DLG2: variants seen among roughly 807,000 people sequenced by gnomAD.
DLG2 encodes the protein discs large MAGUK scaffold protein 2, also known as disks large homolog 2.
A neutral mutation model predicts 132.5 loss-of-function variants in DLG2; 45 were observed. That is an observed-to-expected ratio of 0.34 (90% CI 0.27 to 0.44). The LOEUF (loss-of-function observed/expected upper bound fraction) is 0.44, where lower values mean the gene tolerates loss of function less well. DLG2 is among the 20% of genes least tolerant of loss of function. The pLI is 1.00. For synonymous variants in DLG2, 424 were observed against 419.6 expected (o/e 1.01, Z -0.13); for missense variants, 1,045 against 1,196.9 (o/e 0.87, Z 1.87).
At chr11:84,835,230 T>A (rs563763356) in intron 6 of DLG2, among the ~76,000 whole-genome samples, 11 of 151,768 alleles carry the variant, frequency 7.2e-5, no homozygotes, top group African/African-American at 2.7e-4. Flanking sequence ...TTTTGAAAAT[T>A]TTTTTAATCT....
At chr11:84,954,510 G>T (rs2051384034) in intron 6 of DLG2, among the ~76,000 whole-genome samples, 1 of 152,146 alleles carries the variant, frequency 6.6e-6, no homozygotes. Flanking sequence ...AGAAGACTAT[G>T]TTAGCAGCCT....
chr11:84,661,311 T>C (rs919166783), intron 6 of DLG2, among the ~76,000 whole-genome samples: 2 of 152,172 alleles, frequency 1.3e-5, no homozygotes, highest in African/African-American at 4.8e-5. Context: ...ATTTGCCTTG[T>C]AGAATGGATT....
In DLG2 at chr11:84,373,257, A is replaced by AACAAAACAAAAC. The variant is rs1555532660; in HGVS notation, c.520-121967_520-121966insGTTTTGTTTTGT. Among the ~76,000 whole-genome samples, 139 of 95,138 alleles carry AACAAAACAAAAC rather than the reference A, an allele frequency of 1.5e-3. 7 individuals are homozygous for AACAAAACAAAAC. Among genetic ancestry groups the AACAAAACAAAAC allele is most frequent in the African/African-American group, 4.6e-3 (134 of 29,104 alleles). 62.4% of individuals were successfully genotyped at this position (95,138 alleles called of 152,430 possible). A position where few individuals can be genotyped will look rare whatever the true frequency, so the allele number is the denominator to read the frequency against. On this transcript the variant is annotated intron_variant, in intron 7 of 27. Transcript: ENST00000376104. Reference sequence around the variant, plus strand: ...TCCAATTAAGAAACAGTCAAAAAAAAAAAAAAACAAAACAAAAAAAAAACC... The same window carrying AACAAAACAAAAC: ...TCCAATTAAGAAACAGTCAAAAAAAAACAAAACAAAACAAAAAAACAAAACAAAAAAAAAACC...
intron 7 of DLG2, among the ~76,000 whole-genome samples, chr11:84,285,842 A>C (rs1320836548): frequency 6.6e-6 from 1 of 152,216 alleles, no homozygotes; most frequent in Non-Finnish European, 1.5e-5. Context: ...TTTGCTTACA[A>C]TGTATCATCT....
intron 8 of DLG2, among the ~76,000 whole-genome samples, chr11:84,202,323 A>G (rs2096606626): frequency 6.6e-6 from 1 of 152,118 alleles, no homozygotes; most frequent in Non-Finnish European, 1.5e-5. Flanking sequence ...TCACACCTAC[A>G]ACCATCTGAT....
At chr11:84,320,311 T>C (rs926560537) in intron 7 of DLG2, among the ~76,000 whole-genome samples, 9 of 152,196 alleles carry the variant, frequency 5.9e-5, no homozygotes, top group African/African-American at 2.2e-4. Context: ...TGGATAAATA[T>C]ATTGTACTGC....
At chr11:84,574,023 G>A (rs1286363852) in intron 6 of DLG2, among the ~76,000 whole-genome samples, 5 of 152,064 alleles carry the variant, frequency 3.3e-5, no homozygotes, top group Admixed American at 6.6e-5. Flanking sequence ...ACTAGGGAGG[G>A]GCAAAACTTG....
chr11:83,940,914 T>C (rs1286238998), intron 14 of DLG2, among the ~76,000 whole-genome samples: 1 of 152,202 alleles, frequency 6.6e-6, no homozygotes. Flanking sequence ...GTAAATGTTT[T>C]GACTACTATA....
At chr11:85,054,978 G>A (rs1054374915) in intron 6 of DLG2, among the ~76,000 whole-genome samples, 16 of 152,112 alleles carry the variant, frequency 1.1e-4, no homozygotes, top group Admixed American at 6.6e-4. Context: ...ATATACCCAT[G>A]TAACAAACCT....
At chr11:84,657,905 A>G (rs1382587653) in intron 6 of DLG2, among the ~76,000 whole-genome samples, 1 of 152,132 alleles carries the variant, frequency 6.6e-6, no homozygotes, top group Non-Finnish European at 1.5e-5. Context: ...CTTTTTCCTT[A>G]GAGGACTGCC....
At chr11:85,299,626 C>G (rs2079457922) in intron 3 of DLG2, among the ~76,000 whole-genome samples, 1 of 152,168 alleles carries the variant, frequency 6.6e-6, no homozygotes, top group Non-Finnish European at 1.5e-5. Context: ...AAGGCCAAGT[C>G]ACACTCCATT....
At chr11:85,001,168 C>T (rs1244677371) in intron 6 of DLG2, among the ~76,000 whole-genome samples, 1 of 151,640 alleles carries the variant, frequency 6.6e-6, no homozygotes, top group East Asian at 1.9e-4. Context: ...ATTACCGCTT[C>T]CTGCAGCCTC....
intron 4 of DLG2, among the ~76,000 whole-genome samples, chr11:85,272,731 T>C (rs1291101531): frequency 6.6e-6 from 1 of 152,120 alleles, no homozygotes; most frequent in African/African-American, 2.4e-5. Flanking sequence ...CCAATGACTC[T>C]TCACAGAATT....
chr11:84,600,253 A>C (rs1199245326), intron 6 of DLG2, among the ~76,000 whole-genome samples: 1 of 151,940 alleles, frequency 6.6e-6, no homozygotes, highest in Non-Finnish European at 1.5e-5. Flanking sequence ...GCAAGCAAGC[A>C]AGCAGGCAGG....
chr11:84,330,421 T>G (rs529413382), intron 7 of DLG2, among the ~76,000 whole-genome samples: 1 of 152,152 alleles, frequency 6.6e-6, no homozygotes, highest in Non-Finnish European at 1.5e-5. Context: ...CCATATATAG[T>G]AAACATTGAG....
intron 11 of DLG2, among the ~76,000 whole-genome samples, chr11:83,987,476 A>C (rs1233607888): frequency 1.3e-5 from 2 of 152,212 alleles, no homozygotes; most frequent in African/African-American, 4.8e-5. Flanking sequence ...CCAAAACAGC[A>C]TGGTACTGGT....
In DLG2 at chr11:83,488,077, A is replaced by ATATC. The variant is rs532350190; in HGVS notation, c.2194-3853_2194-3850dup. 7.0e-4 allele frequency among the ~76,000 whole-genome samples: 107 copies of ATATC among 152,102 alleles called. 2 individuals carry two copies. The highest frequency in any genetic ancestry group is 2.5e-3 in the African/African-American group (104 of 41,538). ...GAGTGAATTGTATACTATGTGAATTATATCTCAATAAAGCCATTTCTTTTT... is the reference window on the plus strand; with the variant it reads ...GAGTGAATTGTATACTATGTGAATTATATCTATCTCAATAAAGCCATTTCTTTTT... On this transcript the variant is annotated intron_variant, in intron 21 of 27. Transcript: ENST00000376104.
intron 9 of DLG2, among the ~76,000 whole-genome samples, chr11:84,124,913 T>A (rs1004697523): frequency 5.5e-5 from 8 of 144,832 alleles, no homozygotes; most frequent in African/African-American, 2.0e-4. Flanking sequence ...TGCAATGGCG[T>A]GATCTTGGCT....
intron 6 of DLG2, among the ~76,000 whole-genome samples, chr11:84,649,497 CA>C (rs1169054872): frequency 1.3e-5 from 2 of 152,008 alleles, no homozygotes; most frequent in East Asian, 3.8e-4. Flanking sequence ...CAAAGAAACC[CA>C]AAGGTTTGAT....
Sources: gnomAD v4.1 joint callset for allele counts (sites outside exome capture counted in the v4.1 genomes callset) on GRCh38, gnomAD v4.1.1 for gene constraint, MANE v1.5 for transcripts, NCBI Gene and HGNC (gene_info 2026-07-23, HGNC 2026-07-21) for gene names.